Variants in CATSPERT observed in about 807,000 individuals in gnomAD.
The protein encoded by CATSPERT is catsper channel auxiliary subunit tau.
chr2:201,608,846 G>T, the CATSPERT span, among the ~76,000 whole-genome samples: 6 of 135,196 alleles, frequency 4.4e-5, no homozygotes, highest in Non-Finnish European at 8.0e-5. Context: ...AACAAACAAA[G>T]AAAGAAAGAA....
chr2:201,582,207 C>A, the CATSPERT span: 3 of 1,586,878 alleles, frequency 1.9e-6, no homozygotes, highest in South Asian at 1.2e-5. Flanking sequence ...ATCATCATAA[C>A]GTCTGGGAAC....
the CATSPERT span, among the ~76,000 whole-genome samples, chr2:201,524,768 G>A: frequency 6.6e-5 from 10 of 152,170 alleles, no homozygotes; most frequent in African/African-American, 1.9e-4. Flanking sequence ...TAAAGGGATG[G>A]AGAATGATCT....
chr2:201,564,468 A>T, the CATSPERT span, among the ~76,000 whole-genome samples: 1 of 152,234 alleles, frequency 6.6e-6, no homozygotes, highest in Non-Finnish European at 1.5e-5. Flanking sequence ...CTCACAGAAG[A>T]TCCAGATAAT....
the CATSPERT span, chr2:201,487,506 A>T: frequency 9.5e-7 from 1 of 1,050,974 alleles, no homozygotes; most frequent in Non-Finnish European, 1.4e-6. Context: ...AAAAGAAGAG[A>T]TCTCCAAACC....
chr2:201,544,104 C>A, the CATSPERT span, among the ~76,000 whole-genome samples: 2 of 152,048 alleles, frequency 1.3e-5, no homozygotes, highest in African/African-American at 2.4e-5. Context: ...TGAGAACATG[C>A]GGTGTTCGTT....
chr2:201,538,073 G>T, the CATSPERT span, among the ~76,000 whole-genome samples: 1 of 151,874 alleles, frequency 6.6e-6, no homozygotes, highest in Admixed American at 6.6e-5. Flanking sequence ...ATTTTCTAGT[G>T]CAAAACACAA....
chr2:201,547,360 A>C, the CATSPERT span: 245 of 496,836 alleles, frequency 4.9e-4, 3 homozygotes, highest in African/African-American at 4.6e-3. Flanking sequence ...ATGGCACATT[A>C]TCAAAACAGG....
chr2:201,538,612 G>A, the CATSPERT span, among the ~76,000 whole-genome samples: 2 of 151,932 alleles, frequency 1.3e-5, no homozygotes, highest in East Asian at 1.9e-4. Context: ...TGTTACTATT[G>A]TAATTGTTGA....
chr2:201,543,233 C>G, the CATSPERT span, among the ~76,000 whole-genome samples: 1 of 152,134 alleles, frequency 6.6e-6, no homozygotes, highest in East Asian at 1.9e-4. Context: ...TTATGCCAGT[C>G]CATGCTATTT....
the CATSPERT span, chr2:201,537,406 T>C: frequency 6.5e-7 from 1 of 1,534,086 alleles, no homozygotes; most frequent in Non-Finnish European, 8.9e-7. Flanking sequence ...AAATAATGAC[T>C]ATTAAAAGTT....
the CATSPERT span, chr2:201,495,985 G>A: frequency 1.2e-5 from 18 of 1,500,054 alleles, no homozygotes; most frequent in East Asian, 2.3e-5. Context: ...AAAAAAAGAA[G>A]TTCTAATTTT....
the CATSPERT span, chr2:201,554,526 A>C: frequency 6.6e-6 from 1 of 152,184 alleles, no homozygotes; most frequent in African/African-American, 2.4e-5. Flanking sequence ...TTTAGTAAAA[A>C]TAACCTAAAC....
chr2:201,497,701 C>T, the CATSPERT span, among the ~76,000 whole-genome samples: 2 of 152,056 alleles, frequency 1.3e-5, no homozygotes, highest in Admixed American at 6.5e-5. Flanking sequence ...AATTCTTTCA[C>T]AAATAAAAAG....
the CATSPERT span, among the ~76,000 whole-genome samples, chr2:201,605,676 G>A: frequency 6.6e-6 from 1 of 152,144 alleles, no homozygotes; most frequent in African/African-American, 2.4e-5. Context: ...AGAAAATGGG[G>A]AGAAATCTTC....
At chr2:201,581,170 C>T in the CATSPERT span, among the ~76,000 whole-genome samples, 1 of 151,666 alleles carries the variant, frequency 6.6e-6, no homozygotes, top group African/African-American at 2.4e-5. Flanking sequence ...CTTTGGGAGG[C>T]TGAGGCGGGC....
At chr2:201,552,944 C>T in the CATSPERT span, 1 of 152,054 alleles carries the variant, frequency 6.6e-6, no homozygotes, top group Non-Finnish European at 1.5e-5. Flanking sequence ...TTCATGACAT[C>T]TTAGTAATAT....
chr2:201,494,500 G>A, the CATSPERT span: 1 of 1,536,928 alleles, frequency 6.5e-7, no homozygotes, highest in Non-Finnish European at 8.7e-7. Flanking sequence ...TGTATTGATA[G>A]TAGGATCAGG....
At chr2:201,490,810 G>C in the CATSPERT span, among the ~76,000 whole-genome samples, 2 of 152,080 alleles carry the variant, frequency 1.3e-5, no homozygotes, top group African/African-American at 2.4e-5. Context: ...TGCAAGCTCC[G>C]CCTCCCGGGT....
At chr2:201,559,805 A>G in the CATSPERT span, among the ~76,000 whole-genome samples, 7 of 152,206 alleles carry the variant, frequency 4.6e-5, no homozygotes, top group Non-Finnish European at 1.0e-4. Flanking sequence ...GAAATCTACT[A>G]CATACGACTG....
Sources: gnomAD v4.1 joint callset for allele counts (sites outside exome capture counted in the v4.1 genomes callset) on GRCh38, gnomAD v4.1.1 for gene constraint, MANE v1.5 for transcripts, NCBI Gene and HGNC (gene_info 2026-07-23, HGNC 2026-07-21) for gene names.